NRXN1: variants seen among roughly 807,000 people sequenced by gnomAD.
The protein encoded by NRXN1 is neurexin 1, also known as neurexin-1.
A neutral mutation model predicts 150.9 loss-of-function variants in NRXN1; 39 were observed. That is an observed-to-expected ratio of 0.26 (90% CI 0.20 to 0.34). The LOEUF is 0.34. NRXN1 is among the 10% of genes least tolerant of loss of function. The pLI, the probability that NRXN1 is intolerant of heterozygous loss-of-function variation, is 1.00. For synonymous variants in NRXN1, 924 were observed against 757.0 expected (o/e 1.22, Z -3.62); for missense variants, 1,815 against 1,949.9 (o/e 0.93, Z 1.30).
chr2:51,018,773 C>T (rs1018485495), intron 2 of NRXN1, among the ~76,000 whole-genome samples: 2 of 152,006 alleles, frequency 1.3e-5, no homozygotes, highest in Non-Finnish European at 2.9e-5. Flanking sequence ...GAGATGAAAA[C>T]TTTGTGTTGC....
At chr2:50,575,723 T>C (rs148637197) in intron 8 of NRXN1, among the ~76,000 whole-genome samples, 22 of 152,340 alleles carry the variant, frequency 1.4e-4, no homozygotes, top group South Asian at 1.0e-3. Flanking sequence ...ACATCTGTTT[T>C]GCTTACCATT....
chr2:49,927,295 G>A (rs1348864684), intron 22 of NRXN1, among the ~76,000 whole-genome samples: 1 of 152,120 alleles, frequency 6.6e-6, no homozygotes, highest in South Asian at 2.1e-4. Context: ...AAAATTGTAT[G>A]GTTTGGCAAA....
intron 21 of NRXN1, among the ~76,000 whole-genome samples, chr2:50,000,219 T>C (rs1355709985): frequency 3.3e-5 from 5 of 152,206 alleles, no homozygotes; most frequent in Admixed American, 1.3e-4. Context: ...AAAAGTCAAT[T>C]TGGCAGCTCA....
chr2:50,264,483 C>G (rs1481057198), intron 17 of NRXN1, among the ~76,000 whole-genome samples: 1 of 151,890 alleles, frequency 6.6e-6, no homozygotes, highest in African/African-American at 2.4e-5. Flanking sequence ...GGTAGAGAAA[C>G]AAGGAGGAAA....
At chr2:49,988,483 A>T (rs578041410) in intron 21 of NRXN1, among the ~76,000 whole-genome samples, 1 of 152,088 alleles carries the variant, frequency 6.6e-6, no homozygotes, top group African/African-American at 2.4e-5. Context: ...TTTTGCTTTC[A>T]GAAGAGTTTT....
In NRXN1 at chr2:50,538,336, T is replaced by C; in HGVS notation, c.2060A>G (p.Asn687Ser). ...AKPCLSNPCKNNGMCRDGWNR... is the reference protein window; with the variant it reads ...AKPCLSNPCKSNGMCRDGWNR... ...CCACCCATCCCTGCACATGCCATTG[T>C]TTTTGCAAGGGTTGCTAAGGCACGG... Residue 687 changes from asparagine to serine, a missense_variant, in exon 10 of 23, where the codon AAC (asparagine) becomes AGC (serine). Transcript: ENST00000401669. The C allele has an allele frequency of 1.2e-6, 2 of 1,613,952 alleles. No homozygotes were observed. The highest frequency in any genetic ancestry group is 1.1e-5 in the South Asian group (1 of 91,082).
At chr2:50,664,921 A>C (rs1214824480) in intron 5 of NRXN1, among the ~76,000 whole-genome samples, 1 of 151,902 alleles carries the variant, frequency 6.6e-6, no homozygotes, top group Admixed American at 6.6e-5. Context: ...CCTTCAAATT[A>C]AAAAAAATCA....
At chr2:50,041,527 C>A (rs558303402) in intron 21 of NRXN1, among the ~76,000 whole-genome samples, 36 of 152,192 alleles carry the variant, frequency 2.4e-4, no homozygotes, top group Admixed American at 1.0e-3. Context: ...CTGAAGACAT[C>A]AAAAAATCAG....
intron 18 of NRXN1, among the ~76,000 whole-genome samples, chr2:50,164,246 C>T (rs934544424): frequency 1.4e-4 from 22 of 152,098 alleles, no homozygotes; most frequent in East Asian, 1.9e-4. Flanking sequence ...ATGAGAGAAA[C>T]TGTTTCAGTA....
intron 21 of NRXN1, among the ~76,000 whole-genome samples, chr2:49,956,834 T>C (rs1395802594): frequency 1.3e-5 from 2 of 152,166 alleles, no homozygotes; most frequent in Non-Finnish European, 2.9e-5. Flanking sequence ...TTGATTTAAT[T>C]TGAGATATCA....
chr2:50,924,804 G>A (rs562738217), intron 3 of NRXN1, among the ~76,000 whole-genome samples: 2 of 151,682 alleles, frequency 1.3e-5, no homozygotes, highest in African/African-American at 2.4e-5. Context: ...ATCCATGTAC[G>A]AATCACAAAT....
chr2:50,452,810 T>C (rs2087103978), intron 17 of NRXN1, among the ~76,000 whole-genome samples: 1 of 152,208 alleles, frequency 6.6e-6, no homozygotes, highest in African/African-American at 2.4e-5. Context: ...ATTCTCAATC[T>C]ATATAAATTA....
At chr2:50,639,916 T>A (rs772959106) in intron 5 of NRXN1, among the ~76,000 whole-genome samples, 22 of 152,190 alleles carry the variant, frequency 1.4e-4, no homozygotes, top group Non-Finnish European at 2.9e-5. Context: ...AAACAGATAA[T>A]GGATTTTATT....
chr2:50,946,870 C>T (rs961504931), intron 2 of NRXN1, among the ~76,000 whole-genome samples: 5 of 152,118 alleles, frequency 3.3e-5, no homozygotes, highest in Admixed American at 6.6e-5. Flanking sequence ...TAAATCCAAA[C>T]ATTTGTTGCT....
At chr2:50,414,817 G>A (rs1387768952) in intron 17 of NRXN1, among the ~76,000 whole-genome samples, 1 of 152,036 alleles carries the variant, frequency 6.6e-6, no homozygotes, top group Non-Finnish European at 1.5e-5. Context: ...TTTGTCATAT[G>A]AACGTTCGTA....
chr2:50,856,318 AC>A (rs1157634538), intron 5 of NRXN1, among the ~76,000 whole-genome samples: 2 of 151,980 alleles, frequency 1.3e-5, no homozygotes, highest in East Asian at 3.9e-4. Context: ...TACTGGTATT[AC>A]TCATGCACAC....
chr2:50,965,131 T>C (rs1693852946), intron 2 of NRXN1, among the ~76,000 whole-genome samples: 1 of 151,362 alleles, frequency 6.6e-6, no homozygotes, highest in East Asian at 1.9e-4. Context: ...ATGAAACTTA[T>C]AACATCACAA....
chr2:50,394,876 GTCT>G (rs1159909120), intron 17 of NRXN1, among the ~76,000 whole-genome samples: 3 of 151,650 alleles, frequency 2.0e-5, no homozygotes, highest in Admixed American at 2.0e-4. Context: ...AGTTACCCAG[GTCT>G]TCTTATTCTT....
intron 21 of NRXN1, among the ~76,000 whole-genome samples, chr2:49,953,749 A>G (rs1056448431): frequency 1.3e-5 from 2 of 152,024 alleles, no homozygotes; most frequent in Non-Finnish European, 2.9e-5. Flanking sequence ...ATGTGTGAAG[A>G]CATTTTGGAA....
Sources: allele counts gnomAD v4.1 joint callset (sites outside exome capture counted in the v4.1 genomes callset), GRCh38; gene constraint gnomAD v4.1.1; transcripts MANE v1.5; gene names NCBI Gene and HGNC (gene_info 2026-07-23, HGNC 2026-07-21).